Variants in DCC observed in about 807,000 individuals in gnomAD.
The protein encoded by DCC is netrin receptor DCC.
A neutral mutation model predicts 172.5 loss-of-function variants in DCC; 58 were observed. The observed-to-expected ratio is 0.34, with a 90% CI of 0.27 to 0.42. The LOEUF is 0.42. Among genes scored for constraint, DCC ranks in the 10% least tolerant of loss-of-function variants. DCC has a pLI of 1.00. For missense variants in DCC, 1,740 were observed against 1,791.0 expected (o/e 0.97, Z 0.51); for synonymous variants, 709 against 644.5 (o/e 1.10, Z -1.52).
intron 2 of DCC, among the ~76,000 whole-genome samples, chr18:52,885,853 G>A (rs552217148): frequency 7.2e-5 from 11 of 151,978 alleles, no homozygotes; most frequent in African/African-American, 2.7e-4. Flanking sequence ...GGGCTTAAGG[G>A]CTCTTTAGTC....
At chr18:52,720,697 G>A (rs1004037277) in intron 1 of DCC, among the ~76,000 whole-genome samples, 13 of 152,188 alleles carry the variant, frequency 8.5e-5, no homozygotes, top group African/African-American at 2.9e-4. Context: ...TTTAAGGAAA[G>A]GTGTGTTCTA....
At chr18:53,386,534 A>G (rs1272488922) in intron 16 of DCC, among the ~76,000 whole-genome samples, 12 of 152,126 alleles carry the variant, frequency 7.9e-5, no homozygotes, top group Admixed American at 7.9e-4. Context: ...AAATGCCTAA[A>G]TAGACACTTG....
intron 1 of DCC, among the ~76,000 whole-genome samples, chr18:52,569,311 A>C (rs1296099748): frequency 6.6e-6 from 1 of 152,218 alleles, no homozygotes; most frequent in African/African-American, 2.4e-5. Context: ...TTCAACTTGC[A>C]TGCTCCTCCA....
chr18:52,865,701 T>C (rs1436356569), intron 2 of DCC, among the ~76,000 whole-genome samples: 1 of 152,130 alleles, frequency 6.6e-6, no homozygotes, highest in African/African-American at 2.4e-5. Context: ...ATGGGGTTGT[T>C]TTTTTCTTGT....
At chr18:53,251,107 A>G (rs778131102) in intron 12 of DCC, among the ~76,000 whole-genome samples, 2 of 151,670 alleles carry the variant, frequency 1.3e-5, no homozygotes, top group Admixed American at 6.6e-5. Context: ...TTACACCATC[A>G]TCTCTAGTCT....
chr18:52,363,358 A>G lies in DCC; in HGVS notation c.91+22480A>G, dbSNP rs534794894. On this transcript the variant is annotated intron_variant, in intron 1 of 28. Transcript: ENST00000442544. ...TTGATATGAGAATATGGAAGTGCCA[A>G]TCAGGTTCATGAGGTCACCCTTCAG... Among the ~76,000 whole-genome samples, 21 of 152,322 alleles carry G rather than the reference A, an allele frequency of 1.4e-4. No homozygotes were observed. The East Asian group carries it at 1.5e-3, about 11-fold the overall frequency.
chr18:53,357,539 T>A (rs376612456), intron 15 of DCC, among the ~76,000 whole-genome samples: 61 of 152,318 alleles, frequency 4.0e-4, no homozygotes, highest in East Asian at 2.5e-3. Flanking sequence ...ATAAGTACCA[T>A]GTAGAGAACA....
intron 5 of DCC, among the ~76,000 whole-genome samples, chr18:52,936,899 T>A (rs1394304718): frequency 6.6e-6 from 1 of 152,220 alleles, no homozygotes; most frequent in Non-Finnish European, 1.5e-5. Context: ...ATATGCCATT[T>A]CTTCATACAC....
intron 1 of DCC, among the ~76,000 whole-genome samples, chr18:52,493,355 A>T (rs2030598921): frequency 6.6e-6 from 1 of 152,058 alleles, no homozygotes; most frequent in African/African-American, 2.4e-5. Flanking sequence ...TTTTTTCAAT[A>T]AAAAGCACTA....
At chr18:52,890,583 T>C (rs569764462) in intron 2 of DCC, among the ~76,000 whole-genome samples, 435 of 152,222 alleles carry the variant, frequency 2.9e-3, no homozygotes, top group African/African-American at 0.01. Flanking sequence ...AGAGATTACC[T>C]TGAAGACATA....
intron 2 of DCC, among the ~76,000 whole-genome samples, chr18:52,807,424 A>G (rs1440920888): frequency 3.3e-5 from 5 of 152,148 alleles, no homozygotes; most frequent in Non-Finnish European, 7.4e-5. Context: ...ATATTAATAC[A>G]CTCACTCATA....
intron 1 of DCC, among the ~76,000 whole-genome samples, chr18:52,558,720 T>A (rs2032970987): frequency 6.6e-6 from 1 of 152,116 alleles, no homozygotes; most frequent in Admixed American, 6.6e-5. Flanking sequence ...ATTAATTACA[T>A]CTACCCGAAT....
intron 2 of DCC, among the ~76,000 whole-genome samples, chr18:52,799,234 T>C (rs2145223359): frequency 6.6e-6 from 1 of 152,344 alleles, no homozygotes; most frequent in Admixed American, 6.5e-5. Flanking sequence ...GCTAACATTC[T>C]TATGATCCAT....
chr18:52,696,949 A>T, intron 1 of DCC, among the ~76,000 whole-genome samples: 1 of 152,192 alleles, frequency 6.6e-6, no homozygotes, highest in East Asian at 1.9e-4. Flanking sequence ...GGGACCAAGT[A>T]TCTGCTGCAC....
chr18:52,908,936 T>C (rs571050890), intron 3 of DCC, among the ~76,000 whole-genome samples: 1 of 152,294 alleles, frequency 6.6e-6, no homozygotes, highest in Non-Finnish European at 1.5e-5. Context: ...ACACAGGTTA[T>C]TGTCATACTT....
intron 5 of DCC, among the ~76,000 whole-genome samples, chr18:52,954,451 T>C (rs896782996): frequency 6.6e-6 from 1 of 152,202 alleles, no homozygotes; most frequent in Non-Finnish European, 1.5e-5. Flanking sequence ...AATAGTCATT[T>C]GGGGAAAAAT....
rs1023116917 is a variant in DCC, at chr18:53,349,164, C to T, written c.2359+9257C>T. On this transcript the variant is annotated intron_variant, in intron 15 of 28. Transcript: ENST00000442544. Reference sequence around the variant, plus strand: ...TGCTTTGCTGCTGAGAAATTTATTCCGCTAGATACCCCAAATCATCTCCCT... The same window carrying T: ...TGCTTTGCTGCTGAGAAATTTATTCTGCTAGATACCCCAAATCATCTCCCT... Among the ~76,000 whole-genome samples, 73 of 152,128 alleles carry T rather than the reference C, an allele frequency of 4.8e-4. 1 individual carries two copies. The highest frequency in any genetic ancestry group is 1.5e-3 in the African/African-American group (61 of 41,424).
intron 1 of DCC, among the ~76,000 whole-genome samples, chr18:52,488,788 A>G (rs1211761504): frequency 6.6e-6 from 1 of 152,122 alleles, no homozygotes; most frequent in Admixed American, 6.5e-5. Context: ...TTATTAAAGC[A>G]AGATACTAGG....
intron 1 of DCC, among the ~76,000 whole-genome samples, chr18:52,656,740 T>C (rs2035261985): frequency 6.6e-6 from 1 of 152,172 alleles, no homozygotes. Context: ...TGGTCTGTTG[T>C]TTTCTTTTTT....
Sources: allele counts gnomAD v4.1 joint callset (sites outside exome capture counted in the v4.1 genomes callset), GRCh38; gene constraint gnomAD v4.1.1; transcripts MANE v1.5; gene names NCBI Gene and HGNC (gene_info 2026-07-23, HGNC 2026-07-21).